ADK: variants seen among roughly 807,000 people sequenced by gnomAD.
ADK encodes the protein N6,N6-dimethyladenosine kinase.
A neutral mutation model predicts 44.7 loss-of-function variants in ADK; 24 were observed. The observed-to-expected ratio is 0.54, with a 90% CI of 0.39 to 0.76. ADK has a LOEUF of 0.76. Ranked by LOEUF, ADK falls within the 30% of genes least tolerant of loss-of-function variation. The pLI is 0.00. For synonymous variants in ADK, 128 were observed against 142.6 expected, an observed-to-expected ratio of 0.90 and a Z score of 0.73; for missense variants, 321 against 425.1, an observed-to-expected ratio of 0.76 and a Z score of 2.15.
chr10:74,188,911 T>C (rs1842863013), intron 1 of ADK, among the ~76,000 whole-genome samples: 1 of 151,972 alleles, frequency 6.6e-6, no homozygotes, highest in Non-Finnish European at 1.5e-5. Flanking sequence ...TAGCTGGGAC[T>C]ATAGGCGTGC....
Position 74,312,754 on chromosome 10 carries a change from T to A in ADK, c.195-1913T>A, listed in dbSNP as rs1458710028. On this transcript the variant is annotated intron_variant, in intron 3 of 10. Transcript: ENST00000539909. ...AGCCTGTCTCTAAAAAAAAAAAAAA[T>A]ACAAAAAAAATTAGCCAAGTGTGGT... is the stretch of plus-strand genomic sequence containing the variant. Among the ~76,000 whole-genome samples, 19 of 141,178 alleles carry A rather than the reference T, an allele frequency of 1.3e-4. 1 individual carries two copies. The highest frequency in any genetic ancestry group is 2.8e-4 in the African/African-American group (11 of 38,722). 92.6% of individuals were successfully genotyped at this position (141,178 alleles called of 152,430 possible). A position where few individuals can be genotyped will look rare whatever the true frequency, so the allele number is the denominator to read the frequency against.
At chr10:74,482,403 C>G (rs1432453999) in intron 6 of ADK, among the ~76,000 whole-genome samples, 1 of 152,186 alleles carries the variant, frequency 6.6e-6, no homozygotes, top group Non-Finnish European at 1.5e-5. Flanking sequence ...TCCCACCAGG[C>G]CTCTCTTGCA....
At chr10:74,671,901 C>T (rs749869936) in intron 10 of ADK, among the ~76,000 whole-genome samples, 2 of 152,136 alleles carry the variant, frequency 1.3e-5, no homozygotes, top group Admixed American at 6.5e-5. Flanking sequence ...CTTCCTGGCC[C>T]GGCAACAACA....
At chr10:74,418,230 GTTATTGATAA>G (rs1201143931) in intron 6 of ADK, among the ~76,000 whole-genome samples, 3 of 152,158 alleles carry the variant, frequency 2.0e-5, no homozygotes, top group African/African-American at 7.2e-5. Context: ...TTACCTGCAA[GTTATTGATAA>G]TGGAAGGAAC....
intron 7 of ADK, among the ~76,000 whole-genome samples, chr10:74,567,710 T>G (rs981919883): frequency 3.3e-4 from 48 of 146,370 alleles, no homozygotes; most frequent in East Asian, 3.1e-3. Context: ...TTTTTTTTTT[T>G]TTTTTTGAGA....
At chr10:74,459,727 C>CAAAAAAA (rs986375076) in intron 6 of ADK, among the ~76,000 whole-genome samples, 1 of 42,816 alleles carries the variant, frequency 2.3e-5, no homozygotes, top group Non-Finnish European at 5.1e-5. Flanking sequence ...GACTCCATCT[C>CAAAAAAA]AAAAAAAAAA....
At chr10:74,503,427 C>T (rs778427864) in intron 6 of ADK, among the ~76,000 whole-genome samples, 25 of 152,108 alleles carry the variant, frequency 1.6e-4, no homozygotes, top group Non-Finnish European at 2.9e-4. Context: ...TTTTTAATGC[C>T]ACTTCAGGAA....
Position 74,579,654 on chromosome 10 carries a change from G to A in ADK, c.727-9628G>A, listed in dbSNP as rs1363132294. ...AAAGAACCCAGTGGCCCAACTGAATGGAGACAAAGCCAAGGTGGCTAGAAT... is the reference window on the plus strand; with the variant it reads ...AAAGAACCCAGTGGCCCAACTGAATAGAGACAAAGCCAAGGTGGCTAGAAT... On this transcript the variant is annotated intron_variant, in intron 7 of 10. Coordinates refer to ENST00000539909, the MANE Select transcript of ADK (RefSeq NM_006721.4). Among the ~76,000 whole-genome samples, 3 of 152,182 alleles carry A rather than the reference G, an allele frequency of 2.0e-5. No homozygotes were observed. The East Asian group carries it at 5.8e-4, about 29-fold the overall frequency.
rs190351442 is a variant in ADK, at chr10:74,485,501, A to G, written c.556-39755A>G. Among the ~76,000 whole-genome samples, 727 of 147,920 alleles carry G rather than the reference A, an allele frequency of 4.9e-3. 1 individual carries two copies. Among genetic ancestry groups the G allele is most frequent in the Non-Finnish European group, 7.9e-3 (527 of 66,586 alleles). ...AATAAATAAATAAATAAATAAATAA[A>G]TAAATAATCCTTTGAAAAATAAGGG... On this transcript the variant is annotated intron_variant, in intron 6 of 10. Coordinates refer to ENST00000539909, the MANE Select transcript of ADK (RefSeq NM_006721.4).
intron 4 of ADK, among the ~76,000 whole-genome samples, chr10:74,348,034 A>G (rs1011622259): frequency 2.0e-5 from 3 of 152,150 alleles, no homozygotes; most frequent in Non-Finnish European, 4.4e-5. Flanking sequence ...TGAAGAGAAC[A>G]GCTGATACTG....
intron 6 of ADK, among the ~76,000 whole-genome samples, chr10:74,523,018 C>T (rs748109762): frequency 3.9e-5 from 6 of 152,094 alleles, no homozygotes; most frequent in Non-Finnish European, 7.4e-5. Context: ...TTATTATCTG[C>T]TCAAATTAGC....
chr10:74,302,164 T>C (rs1209690206), intron 3 of ADK, among the ~76,000 whole-genome samples: 2 of 128,684 alleles, frequency 1.6e-5, no homozygotes, highest in Non-Finnish European at 3.1e-5. Context: ...AGTCTTGCTC[T>C]GTCGACCAGG....
chr10:74,330,628 C>T (rs1346080922), intron 4 of ADK, among the ~76,000 whole-genome samples: 2 of 152,138 alleles, frequency 1.3e-5, no homozygotes, highest in African/African-American at 2.4e-5. Context: ...TTTCTTGGGA[C>T]ACCCATAATG....
chr10:74,569,924 T>G (rs1850875300), intron 7 of ADK, among the ~76,000 whole-genome samples: 1 of 152,218 alleles, frequency 6.6e-6, no homozygotes, highest in East Asian at 1.9e-4. Flanking sequence ...ATTTAAGTCT[T>G]TAATCCATCT....
intron 4 of ADK, among the ~76,000 whole-genome samples, chr10:74,361,244 C>T (rs1842327266): frequency 1.3e-5 from 2 of 152,152 alleles, no homozygotes; most frequent in South Asian, 4.2e-4. Flanking sequence ...CATTTATATT[C>T]AGTATTATTG....
chr10:74,377,604 C>T (rs1390656693), intron 4 of ADK, among the ~76,000 whole-genome samples: 3 of 152,084 alleles, frequency 2.0e-5, no homozygotes, highest in South Asian at 2.1e-4. Context: ...GGTCAATTGT[C>T]GTTTATCAGG....
chr10:74,234,608 T>C (rs1308962387), intron 3 of ADK, among the ~76,000 whole-genome samples: 1 of 152,200 alleles, frequency 6.6e-6, no homozygotes, highest in African/African-American at 2.4e-5. Flanking sequence ...AATTTGTAGG[T>C]AATACTGTGT....
chr10:74,158,685 G>GT (rs753446647), intron 1 of ADK, among the ~76,000 whole-genome samples: 16 of 152,198 alleles, frequency 1.1e-4, no homozygotes, highest in Non-Finnish European at 2.1e-4. Flanking sequence ...GAAAGGGTTT[G>GT]TGGACTTTTA....
At chr10:74,467,255 C>T (rs917801957) in intron 6 of ADK, among the ~76,000 whole-genome samples, 6 of 152,020 alleles carry the variant, frequency 3.9e-5, no homozygotes, top group Admixed American at 2.0e-4. Context: ...TTTTGAACAA[C>T]ATTTTAACAC....
Sources: allele counts gnomAD v4.1 joint callset (sites outside exome capture counted in the v4.1 genomes callset), GRCh38; gene constraint gnomAD v4.1.1; transcripts MANE v1.5; gene names NCBI Gene and HGNC (gene_info 2026-07-23, HGNC 2026-07-21).